The following SORBS2 variants were observed in gnomAD, a reference collection of about 807,000 sequenced individuals.
The protein encoded by SORBS2 is sorbin and SH3 domain containing 2.
SORBS2 carries 46 observed loss-of-function variants against 97.7 expected under a neutral mutation model. The observed-to-expected ratio is 0.47, with a 90% CI of 0.37 to 0.60. SORBS2 has a LOEUF of 0.60. Ranked by LOEUF, SORBS2 falls within the 20% of genes least tolerant of loss-of-function variation. The pLI, the probability that SORBS2 is intolerant of heterozygous loss-of-function variation, is 0.00. For missense variants in SORBS2, 1,316 were observed against 1,282.3 expected (o/e 1.03, Z -0.40); for synonymous variants, 476 against 473.4 (o/e 1.01, Z -0.07).
At chr4:185,885,390 A>G (rs2099238890) in intron 1 of SORBS2, among the ~76,000 whole-genome samples, 1 of 152,252 alleles carries the variant, frequency 6.6e-6, no homozygotes, top group African/African-American at 2.4e-5. Flanking sequence ...GGGAAAGCCA[A>G]GAACATAATG....
chr4:185,910,271 C>T (rs1172517899), intron 1 of SORBS2, among the ~76,000 whole-genome samples: 2 of 152,186 alleles, frequency 1.3e-5, no homozygotes, highest in Non-Finnish European at 2.9e-5. Context: ...ACGAGAAGGG[C>T]CTGGCCACAC....
chr4:185,871,681 C>A (rs2099230488), intron 1 of SORBS2, among the ~76,000 whole-genome samples: 1 of 152,258 alleles, frequency 6.6e-6, no homozygotes, highest in South Asian at 2.1e-4. Flanking sequence ...CACCCAAAGG[C>A]TGTTCTGTAG....
chr4:185,827,840 T>G (rs1195499668), intron 1 of SORBS2, among the ~76,000 whole-genome samples: 1 of 139,500 alleles, frequency 7.2e-6, no homozygotes, highest in African/African-American at 2.7e-5. Flanking sequence ...ATCATCATCA[T>G]CGTCACCATC....
chr4:185,851,085 A>T (rs1256290377), intron 1 of SORBS2, among the ~76,000 whole-genome samples: 1 of 152,166 alleles, frequency 6.6e-6, no homozygotes, highest in African/African-American at 2.4e-5. Flanking sequence ...CCATAATCAC[A>T]TGAAGCAATT....
At chr4:185,712,660 C>T (rs973248218) in intron 2 of SORBS2, among the ~76,000 whole-genome samples, 3 of 152,200 alleles carry the variant, frequency 2.0e-5, no homozygotes, top group Non-Finnish European at 4.4e-5. Context: ...ACAGGCACCC[C>T]CACCTGGATG....
At chr4:185,776,633 G>A (rs774940914) in intron 1 of SORBS2, among the ~76,000 whole-genome samples, 9 of 152,088 alleles carry the variant, frequency 5.9e-5, no homozygotes, top group African/African-American at 9.7e-5. Flanking sequence ...AACTGCCGGT[G>A]GCTCAGGCCC....
chr4:185,948,716 T>C (rs2099275768), intron 1 of SORBS2, among the ~76,000 whole-genome samples: 1 of 151,564 alleles, frequency 6.6e-6, no homozygotes, highest in Non-Finnish European at 1.5e-5. Context: ...CAGGGTTTCA[T>C]CATGTTGGCC....
In SORBS2 at chr4:185,868,148, T is replaced by TTTCTTTC. The variant is rs1443887045; in HGVS notation, c.-338+88047_-338+88048insGAAAGAA. Among the ~76,000 whole-genome samples the TTTCTTTC allele has an allele frequency of 2.7e-3, 183 of 67,506 alleles. 7 individuals are homozygous for TTTCTTTC. The highest frequency in any genetic ancestry group is 8.0e-3 in the East Asian group (13 of 1,618). The allele number at this position is 67,506 out of a possible 152,430, so 44.3% of individuals were successfully genotyped here. On this transcript the variant is annotated intron_variant, in intron 1 of 20. Coordinates refer to the SORBS2 transcript ENST00000284776. The stretch of plus-strand genomic sequence containing the variant: ...CTACTTTCCTTTCTCTTTTCTTTTC[T>TTTCTTTC]TTTTTTCTTTCTTTTTTTTTTTTTT...
intron 1 of SORBS2, among the ~76,000 whole-genome samples, chr4:185,888,686 G>A (rs2099240914): frequency 6.6e-6 from 1 of 152,108 alleles, no homozygotes; most frequent in Non-Finnish European, 1.5e-5. Context: ...CCATCTCTAG[G>A]TTCTAAAATC....
chr4:185,635,653 TA>T (rs1168733015), intron 4 of SORBS2, among the ~76,000 whole-genome samples: 4 of 152,170 alleles, frequency 2.6e-5, no homozygotes, highest in Non-Finnish European at 5.9e-5. Flanking sequence ...AGTATATTTA[TA>T]AATTCATTTT....
At chr4:185,714,608 G>A (rs912822383) in intron 2 of SORBS2, among the ~76,000 whole-genome samples, 2 of 152,168 alleles carry the variant, frequency 1.3e-5, no homozygotes, top group African/African-American at 4.8e-5. Context: ...AAAGGAAAGA[G>A]GTTTAATGGA....
rs2096432344 is a variant in SORBS2 at position 185,606,771 on chromosome 4, C to T, written c.2796+5009G>A. On this transcript the variant is annotated intron_variant, in intron 12 of 14. Coordinates refer to ENST00000418609, the Ensembl canonical transcript of SORBS2. The surrounding 1 kb of genome is among the most constrained non-coding windows in gnomAD (Gnocchi z 4.3). ...CGTCTCCTTCCTGAGGTTCTGGCGGCCCTCTCTGGATGCCTGACACAATCC... is the reference window on the plus strand; with the variant it reads ...CGTCTCCTTCCTGAGGTTCTGGCGGTCCTCTCTGGATGCCTGACACAATCC... 1 of 985,216 alleles carries T rather than the reference C, an allele frequency of 1.0e-6. No individual in the cohort carries two copies. Among genetic ancestry groups the T allele is most frequent in the Admixed American group, 6.2e-5 (1 of 16,258 alleles). The allele number at this position is 985,216 out of a possible 1,614,324, so 61.0% of individuals were successfully genotyped here. A position where few individuals can be genotyped will look rare whatever the true frequency, so the allele number is the denominator to read the frequency against.
At chr4:185,679,931 A>G (rs2097846999) in intron 2 of SORBS2, among the ~76,000 whole-genome samples, 1 of 152,218 alleles carries the variant, frequency 6.6e-6, no homozygotes, top group Non-Finnish European at 1.5e-5. Context: ...TTCTTTCCAA[A>G]TCAAAGGAAG....
chr4:185,952,399 C>G (rs1446548770), intron 1 of SORBS2, among the ~76,000 whole-genome samples: 1 of 152,222 alleles, frequency 6.6e-6, no homozygotes, highest in Non-Finnish European at 1.5e-5. Flanking sequence ...GGTACTGAGG[C>G]CTGGGCCAGT....
intron 1 of SORBS2, among the ~76,000 whole-genome samples, chr4:185,927,893 C>T (rs184215365): frequency 2.4e-4 from 37 of 152,128 alleles, no homozygotes; most frequent in Non-Finnish European, 5.0e-4. Context: ...ATCACCAACA[C>T]GGACTTCTGA....
In SORBS2 at chr4:185,806,456, T is replaced by G. The variant is rs1392526343; in HGVS notation, c.-337-31090A>C. ...ATCCTATTTTTTTTTTTTTTTTTTT[T>G]TTTTTTTTTTTTTTTTTTTGAGACG... is the stretch of plus-strand genomic sequence containing the variant. On this transcript the variant is annotated intron_variant, in intron 1 of 20. Transcript: ENST00000284776. Among the ~76,000 whole-genome samples the G allele has an allele frequency of 3.5e-4, 42 of 118,474 alleles. 1 individual carries two copies. Among genetic ancestry groups the G allele is most frequent in the African/African-American group, 5.4e-4 (16 of 29,672 alleles). 77.7% of individuals were successfully genotyped at this position (118,474 alleles called of 152,430 possible). A position where few individuals can be genotyped will look rare whatever the true frequency, so the allele number is the denominator to read the frequency against.
chr4:185,679,013 A>G (rs1385524032), intron 2 of SORBS2, among the ~76,000 whole-genome samples, 191 bp from the exon 6 acceptor site: 1 of 152,142 alleles, frequency 6.6e-6, no homozygotes, highest in African/African-American at 2.4e-5. Context: ...GTCATTCATT[A>G]AATATCTATA....
At chr4:185,821,106 T>A (rs2099196563) in intron 1 of SORBS2, among the ~76,000 whole-genome samples, 1 of 152,180 alleles carries the variant, frequency 6.6e-6, no homozygotes, top group African/African-American at 2.4e-5. Flanking sequence ...TGTTCCAGTG[T>A]GATTTGCCCA....
At chr4:185,661,808 G>A (rs2097526555), upstream of SORBS2, among the ~76,000 whole-genome samples, 1 of 152,188 alleles carries the variant, frequency 6.6e-6, no homozygotes, top group African/African-American at 2.4e-5. Context: ...CTGCATTCAT[G>A]TCCTCCAGTG....
Sources: gnomAD v4.1 joint callset for allele counts (sites outside exome capture counted in the v4.1 genomes callset) on GRCh38, gnomAD v4.1.1 for gene constraint, Gnocchi (gnomAD v3.1) non-coding constraint, MANE v1.5 for transcripts, NCBI Gene and HGNC (gene_info 2026-07-23, HGNC 2026-07-21) for gene names.